Variants in FKBP5 observed in about 807,000 individuals in gnomAD.
FKBP5 encodes the protein FKBP prolyl isomerase 5.
A neutral mutation model predicts 50.5 loss-of-function variants in FKBP5; 23 were observed. The observed-to-expected ratio is 0.46, with a 90% CI of 0.33 to 0.65. FKBP5 has a LOEUF of 0.65. FKBP5 is among the 30% of genes least tolerant of loss of function. FKBP5 has a pLI of 0.02. For synonymous variants in FKBP5, 176 were observed against 190.6 expected (o/e 0.92, Z 0.63); for missense variants, 411 against 553.1 (o/e 0.74, Z 2.58).
intron 1 of FKBP5, among the ~76,000 whole-genome samples, chr6:35,657,110 G>C (rs1764977667): frequency 1.3e-5 from 2 of 151,618 alleles, no homozygotes; most frequent in East Asian, 3.9e-4. Flanking sequence ...AGCTACTCGG[G>C]AGGCTGAGGC....
chr6:35,580,375 T>C (rs1423326331), intron 8 of FKBP5, among the ~76,000 whole-genome samples, 154 bp from the exon 9 acceptor site: 1 of 152,000 alleles, frequency 6.6e-6, no homozygotes, highest in Non-Finnish European at 1.5e-5. Context: ...CCTTTCCCAC[T>C]CCCTTGGAGG....
chr6:35,712,068 C>T (rs1269005918), intron 2 of FKBP5, among the ~76,000 whole-genome samples: 1 of 145,084 alleles, frequency 6.9e-6, no homozygotes, highest in Non-Finnish European at 1.5e-5. Flanking sequence ...AAAGTAGAAA[C>T]AGCGTGTCCC....
chr6:35,700,294 G>A (rs548666892), intron 2 of FKBP5, among the ~76,000 whole-genome samples: 8 of 152,148 alleles, frequency 5.3e-5, no homozygotes, highest in Middle Eastern at 6.8e-3. Flanking sequence ...CCAAGTAGCT[G>A]GGACTACAAG....
chr6:35,710,115 T>C (rs914990755), intron 2 of FKBP5, among the ~76,000 whole-genome samples: 2 of 151,490 alleles, frequency 1.3e-5, no homozygotes, highest in Admixed American at 6.6e-5. Context: ...GCAGGAAGAG[T>C]AGCTTCAGAA....
In FKBP5 at chr6:35,574,935, A is replaced by C. The variant is rs550659507; in HGVS notation, c.*900T>G. The C allele has an allele frequency of 1.3e-5, 2 of 152,444 alleles. No homozygotes were observed. The highest frequency in any genetic ancestry group is 2.9e-5 in the Non-Finnish European group (2 of 68,038). 9.4% of individuals were successfully genotyped at this position (152,444 alleles called of 1,614,324 possible). On this transcript the variant is annotated 3_prime_UTR_variant, in exon 11 of 11. Transcript: ENST00000357266. ...TTCTTAATAGCAAGGATTAGAATGAAAGAAGAAGCTGAGCAGTAGCAATGC... is the reference window on the plus strand; with the variant it reads ...TTCTTAATAGCAAGGATTAGAATGACAGAAGAAGCTGAGCAGTAGCAATGC...
rs151301518 is a variant in FKBP5, at chr6:35,628,027, C to T, written c.251-7753G>A. Among the ~76,000 whole-genome samples, 718 of 151,336 alleles carry T rather than the reference C, an allele frequency of 4.7e-3. 5 individuals carry two copies. The highest frequency in any genetic ancestry group is 7.5e-3 in the Non-Finnish European group (510 of 67,898). ...ACCTCAGGTGATCCGCCCGCCTCGG[C>T]CTCCCAAAGTGCTGGCATTACAGGT... On this transcript the variant is annotated intron_variant, in intron 3 of 10. Coordinates refer to ENST00000357266, the MANE Select transcript of FKBP5 (RefSeq NM_004117.4).
chr6:35,704,222 G>C (rs1344453807), intron 2 of FKBP5, among the ~76,000 whole-genome samples: 1 of 152,154 alleles, frequency 6.6e-6, no homozygotes, highest in Non-Finnish European at 1.5e-5. Flanking sequence ...TAGAGAAGTG[G>C]GGGCAGGTAT....
intron 2 of FKBP5, 59 bp downstream of exon 2, chr6:35,642,661 T>TG (rs1394149294): frequency 7.6e-7 from 1 of 1,309,568 alleles, no homozygotes; most frequent in Non-Finnish European, 1.1e-6. Context: ...CAGAAAGAGA[T>TG]GCTATAATCT....
intron 2 of FKBP5, among the ~76,000 whole-genome samples, chr6:35,712,205 G>A (rs941687713): frequency 7.9e-5 from 12 of 151,836 alleles, no homozygotes; most frequent in African/African-American, 1.9e-4. Context: ...AATAGCTTGC[G>A]AATAATTGTT....
chr6:35,581,273 T>C, intron 8 of FKBP5: 1 of 445,558 alleles, frequency 2.2e-6, no homozygotes, highest in Non-Finnish European at 2.9e-6. Context: ...TAAACATATA[T>C]AATATATATA....
intron 1 of FKBP5, among the ~76,000 whole-genome samples, chr6:35,683,985 T>C (rs751780891): frequency 6.6e-6 from 1 of 151,914 alleles, no homozygotes; most frequent in Non-Finnish European, 1.5e-5. Context: ...CTTGAACCAA[T>C]GGAGGTTGCA....
intron 1 of FKBP5, among the ~76,000 whole-genome samples, chr6:35,654,944 T>C (rs943588109): frequency 2.6e-5 from 4 of 152,072 alleles, no homozygotes; most frequent in Admixed American, 2.6e-4. Context: ...TCCAGCAACT[T>C]TGGAGTTTGA....
At chr6:35,628,982 G>T (rs996011396) in intron 3 of FKBP5, among the ~76,000 whole-genome samples, 11 of 152,226 alleles carry the variant, frequency 7.2e-5, no homozygotes, top group Non-Finnish European at 1.5e-4. Context: ...CTCCCAAAGT[G>T]CCGGGATTAC....
At chr6:35,629,080 A>G (rs189684630) in intron 3 of FKBP5, among the ~76,000 whole-genome samples, 94 of 151,862 alleles carry the variant, frequency 6.2e-4, no homozygotes, top group African/African-American at 2.1e-3. Context: ...TACCAATAGT[A>G]ACTAATCATG....
At chr6:35,640,328 AGTG>A (rs1764446978) in intron 2 of FKBP5, among the ~76,000 whole-genome samples, 1 of 152,224 alleles carries the variant, frequency 6.6e-6, no homozygotes, top group African/African-American at 2.4e-5. Context: ...ATTGTAAAAC[AGTG>A]GTATTTGTGT....
chr6:35,716,739 G>T (rs1324359443), intron 2 of FKBP5, among the ~76,000 whole-genome samples: 1 of 151,536 alleles, frequency 6.6e-6, no homozygotes, highest in East Asian at 1.9e-4. Flanking sequence ...CCCCTGCTTG[G>T]CTGGTCTCTG....
intron 1 of FKBP5, among the ~76,000 whole-genome samples, chr6:35,656,553 C>T (rs1764954718): frequency 6.6e-6 from 1 of 152,102 alleles, no homozygotes; most frequent in South Asian, 2.1e-4. Context: ...TGAGCTTTAC[C>T]CACTTACATG....
intron 8 of FKBP5, chr6:35,583,471 A>G: frequency 2.0e-6 from 2 of 985,428 alleles, no homozygotes; most frequent in Non-Finnish European, 2.4e-6. Context: ...AAGCTCTTGC[A>G]TATATATCAT....
chr6:35,715,734 A>C (rs530602915), intron 2 of FKBP5, among the ~76,000 whole-genome samples: 1 of 152,360 alleles, frequency 6.6e-6, no homozygotes, highest in Non-Finnish European at 1.5e-5. Flanking sequence ...CATGCCAGGC[A>C]TTTGGGTTTC....
Sources: gnomAD v4.1 joint callset for allele counts (sites outside exome capture counted in the v4.1 genomes callset) on GRCh38, gnomAD v4.1.1 for gene constraint, MANE v1.5 for transcripts, NCBI Gene and HGNC (gene_info 2026-07-23, HGNC 2026-07-21) for gene names.